Variants in PTPRA observed in about 807,000 individuals in gnomAD.
PTPRA encodes the protein protein tyrosine phosphatase receptor type A.
In PTPRA, 25 loss-of-function variants were observed where a neutral mutation model predicts 104.8. That is an observed-to-expected ratio of 0.24 (90% CI 0.17 to 0.33). The LOEUF (loss-of-function observed/expected upper bound fraction) is 0.33, where lower values mean the gene tolerates loss of function less well. Among genes scored for constraint, PTPRA ranks in the 10% least tolerant of loss-of-function variants. The pLI, the probability that PTPRA is intolerant of heterozygous loss-of-function variation, is 1.00. For missense variants in PTPRA, 765 were observed against 1,015.3 expected (o/e 0.75, Z 3.35); for synonymous variants, 323 against 368.9 (o/e 0.88, Z 1.43).
intron 3 of PTPRA, among the ~76,000 whole-genome samples, chr20:2,958,482 G>A (rs1030128458): frequency 6.6e-6 from 1 of 151,830 alleles, no homozygotes; most frequent in Non-Finnish European, 1.5e-5. Flanking sequence ...GCCACTTACA[G>A]TGTCTTCAGT....
chr20:2,926,616 T>G (rs555490223), intron 2 of PTPRA, among the ~76,000 whole-genome samples: 1 of 152,210 alleles, frequency 6.6e-6, no homozygotes, highest in African/African-American at 2.4e-5. Flanking sequence ...CAATTCAGTC[T>G]GGGTGACAGA....
intron 6 of PTPRA, among the ~76,000 whole-genome samples, chr20:2,977,326 G>A (rs1280684024): frequency 3.4e-5 from 5 of 148,632 alleles, no homozygotes; most frequent in Non-Finnish European, 7.4e-5. Flanking sequence ...CTTAATATTT[G>A]TAAAGAAGTA....
intron 1 of PTPRA, among the ~76,000 whole-genome samples, chr20:2,887,619 G>A (rs547111337): frequency 6.6e-6 from 1 of 152,292 alleles, no homozygotes; most frequent in East Asian, 1.9e-4. Context: ...CCTGTGAATT[G>A]TGCAAGTAGT....
intron 2 of PTPRA, among the ~76,000 whole-genome samples, chr20:2,940,502 A>C (rs1453115879): frequency 6.6e-6 from 1 of 152,142 alleles, no homozygotes; most frequent in Non-Finnish European, 1.5e-5. Context: ...TTGGCAAACT[A>C]TAATCTGTTT....
At chr20:2,987,992 C>A in intron 7 of PTPRA, 40 bp from the exon 8 acceptor site, 1 of 1,500,526 alleles carries the variant, frequency 6.7e-7, no homozygotes, top group Non-Finnish European at 9.3e-7. Flanking sequence ...CCTCTCCCAC[C>A]TCTGTGCTCC....
intron 1 of PTPRA, among the ~76,000 whole-genome samples, chr20:2,893,189 T>C (rs903950045): frequency 6.6e-6 from 1 of 152,234 alleles, no homozygotes; most frequent in Non-Finnish European, 1.5e-5. Context: ...GTTTTATATC[T>C]CCAGCTGCTA....
At chr20:3,019,751 A>G (rs986061943) in intron 13 of PTPRA, among the ~76,000 whole-genome samples, 16 of 152,234 alleles carry the variant, frequency 1.1e-4, no homozygotes, top group African/African-American at 2.4e-4. Context: ...GTAGCGAGCC[A>G]AGATCACGCC....
At chr20:2,943,018 T>C (rs1160986309) in intron 2 of PTPRA, among the ~76,000 whole-genome samples, 1 of 151,922 alleles carries the variant, frequency 6.6e-6, no homozygotes, top group Non-Finnish European at 1.5e-5. Context: ...TTTTTCTTGC[T>C]TTTTGGATTG....
intron 3 of PTPRA, among the ~76,000 whole-genome samples, chr20:2,954,358 C>T (rs1201765154): frequency 1.3e-5 from 2 of 152,102 alleles, no homozygotes; most frequent in South Asian, 2.1e-4. Flanking sequence ...GGATTACAGG[C>T]GTGCGCCACC....
intron 16 of PTPRA, among the ~76,000 whole-genome samples, chr20:3,023,845 G>A (rs547114629): frequency 2.6e-5 from 4 of 152,244 alleles, no homozygotes; most frequent in South Asian, 4.1e-4. Flanking sequence ...TCAGTCTCTC[G>A]TCCCACCTGA....
At chr20:3,009,280 AT>A (rs10718361) in intron 11 of PTPRA, among the ~76,000 whole-genome samples, 55,285 of 150,602 alleles carry the variant, frequency 0.37, 10,970 homozygotes, top group East Asian at 0.68. Flanking sequence ...GAGTTGTGTG[AT>A]TTTTTTTTTC....
chr20:2,956,082 T>A (rs1344589102), intron 3 of PTPRA, among the ~76,000 whole-genome samples: 1 of 152,164 alleles, frequency 6.6e-6, no homozygotes, highest in Non-Finnish European at 1.5e-5. Flanking sequence ...TCTACCCCTA[T>A]AAATCCTCTT....
intron 1 of PTPRA, among the ~76,000 whole-genome samples, chr20:2,889,096 T>A (rs1437147829): frequency 1.3e-5 from 2 of 152,236 alleles, no homozygotes; most frequent in African/African-American, 4.8e-5. Context: ...AGTTTTTTGA[T>A]GTGGGAAAAG....
At chr20:2,898,361 T>G (rs1226778147) in intron 1 of PTPRA, among the ~76,000 whole-genome samples, 1 of 151,764 alleles carries the variant, frequency 6.6e-6, no homozygotes, top group African/African-American at 2.4e-5. Context: ...ATTACAGGCG[T>G]GAGCCACCGC....
chr20:3,002,991 C>G (rs1346354096), intron 9 of PTPRA, among the ~76,000 whole-genome samples: 2 of 152,204 alleles, frequency 1.3e-5, no homozygotes, highest in Admixed American at 1.3e-4. Flanking sequence ...ACCACAGATG[C>G]TGTTCTCTGT....
intron 3 of PTPRA, among the ~76,000 whole-genome samples, chr20:2,959,606 T>C (rs2061673675): frequency 1.3e-5 from 2 of 152,166 alleles, no homozygotes; most frequent in Admixed American, 6.5e-5. Flanking sequence ...AAAATTAAAA[T>C]AGACTTTGTG....
intron 1 of PTPRA, among the ~76,000 whole-genome samples, chr20:2,889,390 T>C (rs1600064844): frequency 6.6e-6 from 1 of 152,204 alleles, no homozygotes; most frequent in Non-Finnish European, 1.5e-5. Context: ...AGTCAGTCCT[T>C]GACAGGTCAG....
intron 11 of PTPRA, among the ~76,000 whole-genome samples, chr20:3,013,646 G>A (rs1263020110): frequency 3.9e-5 from 6 of 152,040 alleles, no homozygotes; most frequent in Non-Finnish European, 7.4e-5. Flanking sequence ...CCCTACCTCA[G>A]GTGATCTGCC....
intron 10 of PTPRA, among the ~76,000 whole-genome samples, chr20:3,005,603 A>G (rs1568691801): frequency 2.0e-5 from 3 of 149,114 alleles, no homozygotes. Context: ...AGATAAATAA[A>G]TAAGAGTAGG....
Sources: gnomAD v4.1 joint callset for allele counts (sites outside exome capture counted in the v4.1 genomes callset) on GRCh38, gnomAD v4.1.1 for gene constraint, MANE v1.5 for transcripts, NCBI Gene and HGNC (gene_info 2026-07-23, HGNC 2026-07-21) for gene names.